The following RAPGEF5 variants were observed in gnomAD, a reference collection of about 807,000 sequenced individuals.
RAPGEF5 encodes the protein Rap guanine nucleotide exchange factor 5, also known as M-Ras-regulated GEF.
In RAPGEF5, 65 loss-of-function variants were observed where a neutral mutation model predicts 125.2. The observed-to-expected ratio is 0.52, with a 90% CI of 0.43 to 0.64. The LOEUF (loss-of-function observed/expected upper bound fraction) is 0.64, where lower values mean the gene tolerates loss of function less well. Ranked by LOEUF, RAPGEF5 falls within the 30% of genes least tolerant of loss-of-function variation. The probability of loss-of-function intolerance (pLI) is 0.00; values close to 1 mark genes in which losing one functional copy is unlikely to be tolerated. For synonymous variants in RAPGEF5, 391 were observed against 385.9 expected (o/e 1.01, Z -0.16); for missense variants, 958 against 1,048.1 (o/e 0.91, Z 1.19).
chr7:22,293,184 G>C (rs1170473505), intron 5 of RAPGEF5, among the ~76,000 whole-genome samples: 1 of 152,212 alleles, frequency 6.6e-6, no homozygotes, highest in Non-Finnish European at 1.5e-5. Flanking sequence ...TATCTCTCTA[G>C]CTTCTGGCTC....
intron 14 of RAPGEF5, among the ~76,000 whole-genome samples, chr7:22,158,525 G>C (rs1435600579): frequency 6.6e-6 from 1 of 152,056 alleles, no homozygotes; most frequent in Non-Finnish European, 1.5e-5. Context: ...TCCTCTATTT[G>C]TGTACTGGGG....
chr7:22,320,092 G>T (rs1311045727), intron 1 of RAPGEF5, among the ~76,000 whole-genome samples: 1 of 152,192 alleles, frequency 6.6e-6, no homozygotes, highest in African/African-American at 2.4e-5. Context: ...CTGGCCCCAG[G>T]AACTCAACAA....
intron 1 of RAPGEF5, among the ~76,000 whole-genome samples, chr7:22,334,023 C>T (rs1225588810): frequency 7.6e-5 from 11 of 145,118 alleles, no homozygotes; most frequent in African/African-American, 2.3e-4. Flanking sequence ...CAAGACAGAG[C>T]GGACAGTGTT....
intron 9 of RAPGEF5, among the ~76,000 whole-genome samples, chr7:22,199,688 C>CGA (rs1390663659): frequency 2.0e-5 from 3 of 151,824 alleles, no homozygotes; most frequent in Non-Finnish European, 4.4e-5. Context: ...CTGGAAGGTC[C>CGA]GAGAAAGAAG....
At chr7:22,279,532 C>T (rs932111704) in intron 6 of RAPGEF5, among the ~76,000 whole-genome samples, 6 of 152,122 alleles carry the variant, frequency 3.9e-5, no homozygotes, top group Non-Finnish European at 8.8e-5. Context: ...AACCCAAAGT[C>T]AAGAACAATT....
At chr7:22,187,268 G>T (rs975147610) in intron 11 of RAPGEF5, among the ~76,000 whole-genome samples, 2 of 152,116 alleles carry the variant, frequency 1.3e-5, no homozygotes, top group African/African-American at 4.8e-5. Context: ...AGAAAATATA[G>T]ATCCCTTTGA....
Position 22,291,826 on chromosome 7 carries a change from C to T in RAPGEF5, c.681-585G>A, listed in dbSNP as rs1782942438. Among the ~76,000 whole-genome samples the T allele has an allele frequency of 2.6e-5, 4 of 152,154 alleles. No homozygotes were observed. The South Asian group carries it at 8.3e-4, about 32-fold the overall frequency. On this transcript the variant is annotated intron_variant, in intron 5 of 25. Transcript: ENST00000665637. ...AGAATATTATGCACGTGTTAAATAA[C>T]TAATGAGATGTGTAACAATGTAAGA... is the stretch of plus-strand genomic sequence containing the variant.
intron 8 of RAPGEF5, among the ~76,000 whole-genome samples, chr7:22,225,503 A>C (rs1318488197): frequency 6.6e-6 from 1 of 152,262 alleles, no homozygotes; most frequent in Non-Finnish European, 1.5e-5. Flanking sequence ...CTTTAAACCC[A>C]TATATCCCAG....
intron 1 of RAPGEF5, among the ~76,000 whole-genome samples, chr7:22,335,012 G>A (rs570841526): frequency 7.9e-5 from 12 of 152,252 alleles, no homozygotes; most frequent in East Asian, 1.9e-4. Flanking sequence ...ATTCAGTCCC[G>A]AATCCAGTTA....
At chr7:22,155,889 A>C (rs909518298) in intron 16 of RAPGEF5, among the ~76,000 whole-genome samples, 1 of 152,234 alleles carries the variant, frequency 6.6e-6, no homozygotes, top group African/African-American at 2.4e-5. Context: ...GCCTCTTTGC[A>C]GCTCAGCTTG....
At chr7:22,345,205 A>C (rs1274923013) in intron 1 of RAPGEF5, among the ~76,000 whole-genome samples, 1 of 152,216 alleles carries the variant, frequency 6.6e-6, no homozygotes, top group African/African-American at 2.4e-5. Context: ...TGGACTGAGA[A>C]GCCCAGCCTA....
chr7:22,343,994 C>A (rs1449949942), intron 1 of RAPGEF5, among the ~76,000 whole-genome samples: 3 of 152,148 alleles, frequency 2.0e-5, no homozygotes, highest in Non-Finnish European at 4.4e-5. Flanking sequence ...CGATTCCAAA[C>A]CCTAGCCACC....
intron 11 of RAPGEF5, among the ~76,000 whole-genome samples, chr7:22,168,576 CTCTACAT>C (rs1774059813): frequency 6.6e-6 from 1 of 152,148 alleles, no homozygotes; most frequent in South Asian, 2.1e-4. Flanking sequence ...AGCCCTATAG[CTCTACAT>C]TGAAGACTGG....
intron 20 of RAPGEF5, among the ~76,000 whole-genome samples, chr7:22,142,136 G>A (rs1013558513): frequency 6.6e-6 from 1 of 152,192 alleles, no homozygotes; most frequent in Non-Finnish European, 1.5e-5. Flanking sequence ...CCCCCTGCTG[G>A]AAGCTCCAGT....
intron 6 of RAPGEF5, among the ~76,000 whole-genome samples, chr7:22,289,793 G>A (rs552645035): frequency 2.0e-5 from 3 of 152,166 alleles, no homozygotes; most frequent in South Asian, 2.1e-4. Context: ...ATTGTATCAC[G>A]GGGGCAGTTT....
At chr7:22,163,587 T>C (rs1307187650) in intron 12 of RAPGEF5, among the ~76,000 whole-genome samples, 2 of 152,264 alleles carry the variant, frequency 1.3e-5, no homozygotes, top group Non-Finnish European at 2.9e-5. Flanking sequence ...TAGCATTTCC[T>C]AATTTATACA....
intron 11 of RAPGEF5, among the ~76,000 whole-genome samples, chr7:22,185,205 G>A (rs1039918847): frequency 1.3e-5 from 2 of 152,174 alleles, no homozygotes; most frequent in African/African-American, 2.4e-5. Context: ...TTCAAATGGT[G>A]GCTCAATCAC....
In RAPGEF5 at chr7:22,193,471, G is replaced by C. The variant is rs1275871568; in HGVS notation, c.1116-16C>G. The C allele has an allele frequency of 6.3e-7, 1 of 1,575,924 alleles. No individual in the cohort carries two copies. Among genetic ancestry groups the C allele is most frequent in the Admixed American group, 1.8e-5 (1 of 54,616 alleles). ...CACCACATATCTGTCAGAGAGCAGAGAGTCCACTGAGTCATCCTCGGTGGA... is the reference window on the plus strand; with the variant it reads ...CACCACATATCTGTCAGAGAGCAGACAGTCCACTGAGTCATCCTCGGTGGA... On this transcript the variant is annotated splice_polypyrimidine_tract_variant and intron_variant, in intron 10 of 25. Transcript: ENST00000665637.
intron 6 of RAPGEF5, among the ~76,000 whole-genome samples, chr7:22,273,320 G>A (rs1251534810): frequency 3.5e-5 from 5 of 143,388 alleles, no homozygotes; most frequent in Admixed American, 7.3e-5. Flanking sequence ...CCGGGTTCAC[G>A]CCATTCTCCC....
Sources: allele counts gnomAD v4.1 joint callset (sites outside exome capture counted in the v4.1 genomes callset), GRCh38; gene constraint gnomAD v4.1.1; transcripts MANE v1.5; gene names NCBI Gene and HGNC (gene_info 2026-07-23, HGNC 2026-07-21).